Variants in RFTN1 observed in about 807,000 individuals in gnomAD.
RFTN1 encodes the protein raftlin, lipid raft linker 1.
RFTN1 carries 26 observed loss-of-function variants against 46.5 expected under a neutral mutation model. The observed-to-expected ratio is 0.56, with a 90% confidence interval of 0.41 to 0.78. The LOEUF is 0.78. Among genes scored for constraint, RFTN1 ranks in the 30% least tolerant of loss-of-function variants. RFTN1 has a pLI of 0.00. For missense variants in RFTN1, 693 were observed against 718.7 expected (o/e 0.96, Z 0.41); for synonymous variants, 261 against 284.2 (o/e 0.92, Z 0.82).
chr3:16,500,590 G>A lies in RFTN1; in HGVS notation c.-8-6713C>T, dbSNP rs1347333528. Among the ~76,000 whole-genome samples the A allele has an allele frequency of 1.3e-5, 2 of 152,128 alleles. No individual in the cohort carries two copies. The highest frequency in any genetic ancestry group is 2.4e-5 in the African/African-American group (1 of 41,412). On this transcript the variant is annotated intron_variant, in intron 1 of 9. Transcript: ENST00000334133. This position sits in a 1 kb window ranked among gnomAD's most constrained non-coding sequence, Gnocchi z 5.9. ...TAATCAGAAGAAGGTTCCGAGACCC[G>A]AACTGCAAGAAGAAGATGACAGACA...
rs939751561 is a variant in RFTN1 at position 16,385,475 on chromosome 3, CAA to C, written c.442-7375_442-7374del. On this transcript the variant is annotated intron_variant, in intron 4 of 9. Coordinates refer to ENST00000334133, the MANE Select transcript of RFTN1 (RefSeq NM_015150.2). This position sits in a 1 kb window ranked among gnomAD's most constrained non-coding sequence, Gnocchi z 5.0. ...AGAGGTCTTAGAATCTGCCCTTGGA[CAA>C]AGAGTTTGAAGGCTTAAAGCTTTGG... Among the ~76,000 whole-genome samples, 22 of 152,194 alleles carry C rather than the reference CAA, an allele frequency of 1.4e-4. No homozygotes were observed. Among genetic ancestry groups the C allele is most frequent in the Admixed American group, 2.0e-4 (3 of 15,286 alleles).
chr3:16,355,942 A>G (rs763246554), intron 7 of RFTN1, among the ~76,000 whole-genome samples: 7 of 152,182 alleles, frequency 4.6e-5, no homozygotes, highest in African/African-American at 1.7e-4. Context: ...TTTCACACAC[A>G]TCCCCATGGC....
intron 6 of RFTN1, among the ~76,000 whole-genome samples, chr3:16,359,240 AG>A (rs1319157008): frequency 2.6e-5 from 4 of 152,058 alleles, no homozygotes; most frequent in African/African-American, 9.7e-5. Context: ...GACTCTTTCA[AG>A]GGCTAGGTCT....
Position 16,351,613 on chromosome 3 carries a change from G to A in RFTN1, c.1146+6319C>T, listed in dbSNP as rs956283370. On this transcript the variant is annotated intron_variant, in intron 7 of 9. Coordinates refer to ENST00000334133, the MANE Select transcript of RFTN1 (RefSeq NM_015150.2). This position sits in a 1 kb window ranked among gnomAD's most constrained non-coding sequence, Gnocchi z 5.4. Reference sequence around the variant, plus strand: ...CCCTGACAGAAGTCAAGTCCTCGCAGGTAGCAGCTGCTTTCTAGGATGCTC... The same window carrying A: ...CCCTGACAGAAGTCAAGTCCTCGCAAGTAGCAGCTGCTTTCTAGGATGCTC... Among the ~76,000 whole-genome samples, 1 of 152,142 alleles carries A rather than the reference G, an allele frequency of 6.6e-6. No individual in the cohort carries two copies. The highest frequency in any genetic ancestry group is 1.5e-5 in the Non-Finnish European group (1 of 68,016).
intron 3 of RFTN1, among the ~76,000 whole-genome samples, chr3:16,411,051 T>C (rs903362341): frequency 1.3e-5 from 2 of 152,116 alleles, no homozygotes; most frequent in African/African-American, 4.8e-5. Flanking sequence ...GGCTCCCAGC[T>C]CCTTGTCCAG....
chr3:16,461,269 C>G (rs2124928340), intron 2 of RFTN1, among the ~76,000 whole-genome samples: 1 of 152,308 alleles, frequency 6.6e-6, no homozygotes, highest in South Asian at 2.1e-4. Context: ...AAAAACAACT[C>G]TCACAAAGGA....
intron 6 of RFTN1, among the ~76,000 whole-genome samples, chr3:16,366,070 A>AG (rs1260902923): frequency 1.0e-4 from 15 of 149,440 alleles, no homozygotes; most frequent in African/African-American, 3.0e-4. Context: ...AGGAGTGGGC[A>AG]GGGGTGTGGA....
At position 16,488,196 on chromosome 3, in the gene RFTN1, A is replaced by G. The variant is rs148795692; in HGVS notation, c.145+5529T>C. 1.5e-4 allele frequency among the ~76,000 whole-genome samples: 23 copies of G among 149,376 alleles called. No individual in the cohort carries two copies. The East Asian group carries it at 4.5e-3, about 29-fold the overall frequency. On this transcript the variant is annotated intron_variant, in intron 2 of 9. Transcript: ENST00000334133. ...CAGCTCACCGCAACCTCTACCTCCC[A>G]GGTTCAAGCAATTCTGCCTCAGCGT... is the stretch of plus-strand genomic sequence containing the variant.
At chr3:16,373,578 G>A (rs764751977) in intron 5 of RFTN1, among the ~76,000 whole-genome samples, 1 of 152,214 alleles carries the variant, frequency 6.6e-6, no homozygotes, top group South Asian at 2.1e-4. Flanking sequence ...GGGCCCCAGA[G>A]AGCCCAGGTC....
Position 16,400,898 on chromosome 3 carries a change from C to T in RFTN1, c.441+8477G>A, listed in dbSNP as rs1356230664. On this transcript the variant is annotated intron_variant, in intron 4 of 9. Coordinates refer to ENST00000334133, the MANE Select transcript of RFTN1 (RefSeq NM_015150.2). This position sits in a 1 kb window ranked among gnomAD's most constrained non-coding sequence, Gnocchi z 4.5. ...TAAGCCTGTAACCTTCCTCCTCCCTCCCCTGCCAGCATCAAAGGAGGGGAT... is the reference window on the plus strand; with the variant it reads ...TAAGCCTGTAACCTTCCTCCTCCCTTCCCTGCCAGCATCAAAGGAGGGGAT... Among the ~76,000 whole-genome samples, 1 of 152,206 alleles carries T rather than the reference C, an allele frequency of 6.6e-6. No individual in the cohort carries two copies. The highest frequency in any genetic ancestry group is 1.5e-5 in the Non-Finnish European group (1 of 68,032).
At chr3:16,404,585 C>T (rs1336473808) in intron 4 of RFTN1, among the ~76,000 whole-genome samples, 1 of 150,914 alleles carries the variant, frequency 6.6e-6, no homozygotes, top group Non-Finnish European at 1.5e-5. Context: ...CCTTCCTTCT[C>T]TTTTGTCCAA....
chr3:16,435,920 A>ATATATC (rs1319704939), intron 2 of RFTN1, among the ~76,000 whole-genome samples: 6 of 5,030 alleles, frequency 1.2e-3, no homozygotes, highest in African/African-American at 1.8e-3. Flanking sequence ...AGATGTAAAT[A>ATATATC]TATATATATA....
intron 7 of RFTN1, among the ~76,000 whole-genome samples, chr3:16,330,964 G>A (rs1001751291): frequency 6.6e-6 from 1 of 152,198 alleles, no homozygotes; most frequent in African/African-American, 2.4e-5. Flanking sequence ...GTTTCATCCT[G>A]TGGAAGCAAT....
chr3:16,414,732 A>T (rs765586597), intron 3 of RFTN1, among the ~76,000 whole-genome samples: 6 of 152,132 alleles, frequency 3.9e-5, no homozygotes, highest in Non-Finnish European at 7.4e-5. Context: ...GATGAGGTGA[A>T]ATTTGGAATA....
In RFTN1 at chr3:16,317,125, G is replaced by A. The variant is rs970213583; in HGVS notation, c.1440C>T (p.Asn480=). The change falls in exon 10 of 10, where the codon AAC becomes AAT. Residue 480 remains asparagine (N), a synonymous_variant. Transcript: ENST00000334133. This position sits in a 1 kb window ranked among gnomAD's most constrained non-coding sequence, Gnocchi z 4.3. The stretch of plus-strand genomic sequence containing the variant: ...CAGCTTTGGAAGACTGGTCTTCTAA[G>A]TTCTTCTCATTTTCTTCTGCTTGTT... ...DKQQAEENEK[N]LEDQSSKAGD... is the part of the protein sequence containing the mutation. 5.0e-6 allele frequency: 8 copies of A among 1,613,806 alleles called. No individual in the cohort carries two copies. Among genetic ancestry groups the A allele is most frequent in the Admixed American group, 1.7e-5 (1 of 59,982 alleles).
rs183356274 is a variant in RFTN1 at position 16,449,869 on chromosome 3, G to A, written c.146-15832C>T. Among the ~76,000 whole-genome samples, 8 of 152,308 alleles carry A rather than the reference G, an allele frequency of 5.3e-5. No homozygotes were observed. Among genetic ancestry groups the A allele is most frequent in the Admixed American group, 2.6e-4 (4 of 15,300 alleles). On this transcript the variant is annotated intron_variant, in intron 2 of 9. Coordinates refer to ENST00000334133, the MANE Select transcript of RFTN1 (RefSeq NM_015150.2). This position sits in a 1 kb window ranked among gnomAD's most constrained non-coding sequence, Gnocchi z 5.1. ...ATGTGAGGAGGAAGGGGCAGGGCGT[G>A]TCTGCAATGGAACTGCAGAAGCCTA...
intron 9 of RFTN1, among the ~76,000 whole-genome samples, chr3:16,318,111 T>C (rs943968843): frequency 1.3e-5 from 2 of 152,008 alleles, no homozygotes; most frequent in African/African-American, 4.8e-5. Context: ...CGGCCAGTAA[T>C]AGAGTTGGGC....
intron 4 of RFTN1, among the ~76,000 whole-genome samples, chr3:16,401,306 G>A (rs184107510): frequency 3.5e-5 from 5 of 141,488 alleles, no homozygotes; most frequent in African/African-American, 1.1e-4. Context: ...CCTGGGCAAC[G>A]GAATGAAGCC....
rs995199941 is a variant in RFTN1, at chr3:16,400,372, C to T, written c.441+9003G>A. Among the ~76,000 whole-genome samples the T allele has an allele frequency of 6.6e-6, 1 of 152,230 alleles. No homozygotes were observed. The highest frequency in any genetic ancestry group is 2.4e-5 in the African/African-American group (1 of 41,472). ...ATGTACACTTCATGGAGCACTCCCC[C>T]AACACTGCCAGCCTGGGGCAGGCCC... On this transcript the variant is annotated intron_variant, in intron 4 of 9. Transcript: ENST00000334133. This position sits in a 1 kb window ranked among gnomAD's most constrained non-coding sequence, Gnocchi z 4.5.
Sources: allele counts gnomAD v4.1 joint callset (sites outside exome capture counted in the v4.1 genomes callset), GRCh38; gene constraint gnomAD v4.1.1; non-coding constraint Gnocchi (gnomAD v3.1); transcripts MANE v1.5; gene names NCBI Gene and HGNC (gene_info 2026-07-23, HGNC 2026-07-21).